FBXL17: variants seen among roughly 807,000 people sequenced by gnomAD.
FBXL17 encodes F-box and leucine rich repeat protein 17.
FBXL17 carries 22 observed loss-of-function variants against 66.2 expected under a neutral mutation model. The ratio of observed to expected loss-of-function variants is 0.33; its 90% CI spans 0.24 to 0.47. FBXL17 has a LOEUF of 0.47. Ranked by LOEUF, FBXL17 falls within the 20% of genes least tolerant of loss-of-function variation. The pLI, the probability that FBXL17 is intolerant of heterozygous loss-of-function variation, is 1.00. For synonymous variants in FBXL17, 474 were observed against 400.5 expected (o/e 1.18, Z -2.19); for missense variants, 878 against 948.2 (o/e 0.93, Z 0.97).
At chr5:107,917,167 G>C (rs1305518466) in intron 7 of FBXL17, among the ~76,000 whole-genome samples, 2 of 152,176 alleles carry the variant, frequency 1.3e-5, no homozygotes, top group Non-Finnish European at 2.9e-5. Context: ...ATTACTGGCT[G>C]CTGACAGCAA....
chr5:108,271,580 T>G (rs921851014), intron 4 of FBXL17, among the ~76,000 whole-genome samples: 1 of 152,214 alleles, frequency 6.6e-6, no homozygotes, highest in African/African-American at 2.4e-5. Context: ...GTCAACTTCT[T>G]GAGAACATAC....
chr5:108,201,202 A>G (rs1289739048), intron 5 of FBXL17, among the ~76,000 whole-genome samples: 1 of 152,200 alleles, frequency 6.6e-6, no homozygotes, highest in African/African-American at 2.4e-5. Context: ...CATGGAGAAC[A>G]CTTTCGTTCA....
At chr5:108,042,167 T>C (rs1454901684) in intron 6 of FBXL17, among the ~76,000 whole-genome samples, 3 of 152,226 alleles carry the variant, frequency 2.0e-5, no homozygotes, top group Non-Finnish European at 4.4e-5. Context: ...GTGCTGGGAT[T>C]ACAGGCGTGA....
chr5:108,001,280 CAT>C (rs1319203213), intron 7 of FBXL17, among the ~76,000 whole-genome samples: 3 of 152,082 alleles, frequency 2.0e-5, no homozygotes, highest in Admixed American at 6.6e-5. Flanking sequence ...ATAAGAATGA[CAT>C]GTGTGAATGT....
intron 3 of FBXL17, among the ~76,000 whole-genome samples, chr5:108,360,091 T>C (rs990211474): frequency 6.6e-6 from 1 of 152,114 alleles, no homozygotes; most frequent in Admixed American, 6.6e-5. Context: ...ACCTGGTTTT[T>C]TTGGATAATA....
intron 4 of FBXL17, among the ~76,000 whole-genome samples, chr5:108,341,568 T>C (rs1746882581): frequency 6.6e-6 from 1 of 152,166 alleles, no homozygotes; most frequent in African/African-American, 2.4e-5. Context: ...TTTCTCAAAA[T>C]AGATAAATAA....
chr5:108,161,275 G>A (rs1182336802), intron 6 of FBXL17, among the ~76,000 whole-genome samples: 4 of 152,080 alleles, frequency 2.6e-5, no homozygotes, highest in Non-Finnish European at 4.4e-5. Context: ...CTGAGCTCAG[G>A]AGTTCGACAC....
intron 6 of FBXL17, among the ~76,000 whole-genome samples, chr5:108,135,113 T>C (rs1751084527): frequency 6.6e-6 from 1 of 152,084 alleles, no homozygotes; most frequent in Non-Finnish European, 1.5e-5. Flanking sequence ...TCTGGGGACA[T>C]CAATCAGGTG....
intron 4 of FBXL17, among the ~76,000 whole-genome samples, chr5:108,332,860 G>A (rs188418318): frequency 4.5e-4 from 67 of 147,262 alleles, no homozygotes; most frequent in South Asian, 8.9e-4. Context: ...CCACCGCCTC[G>A]GCCTCCCAAA....
At chr5:107,887,132 A>G (rs1748999408) in intron 7 of FBXL17, among the ~76,000 whole-genome samples, 1 of 152,202 alleles carries the variant, frequency 6.6e-6, no homozygotes, top group Non-Finnish European at 1.5e-5. Context: ...AGGTTGTTAA[A>G]GTTAGAGGTA....
At chr5:108,317,559 T>A (rs901677814) in intron 4 of FBXL17, among the ~76,000 whole-genome samples, 1 of 151,300 alleles carries the variant, frequency 6.6e-6, no homozygotes, top group Non-Finnish European at 1.5e-5. Context: ...TATTTTTGTA[T>A]AAATTAATAA....
chr5:108,085,660 T>C (rs539462209), intron 6 of FBXL17, among the ~76,000 whole-genome samples: 2 of 152,060 alleles, frequency 1.3e-5, no homozygotes, highest in Admixed American at 1.3e-4. Flanking sequence ...TGGGGCTAGG[T>C]GTGGTGGCTC....
intron 6 of FBXL17, among the ~76,000 whole-genome samples, chr5:108,074,743 G>A (rs1224796388): frequency 6.6e-6 from 1 of 152,136 alleles, no homozygotes; most frequent in African/African-American, 2.4e-5. Context: ...TACATTACCC[G>A]ATCGCTTTGG....
intron 7 of FBXL17, among the ~76,000 whole-genome samples, chr5:108,006,258 T>C (rs1326640294): frequency 1.3e-5 from 2 of 152,334 alleles, no homozygotes; most frequent in South Asian, 2.1e-4. Flanking sequence ...AGAATGTTCA[T>C]TGAAGCCACT....
At chr5:108,260,827 A>G (rs927987569) in intron 4 of FBXL17, among the ~76,000 whole-genome samples, 2 of 152,168 alleles carry the variant, frequency 1.3e-5, no homozygotes, top group African/African-American at 4.8e-5. Context: ...CTTTTGCACA[A>G]GTTTGCTATA....
intron 4 of FBXL17, among the ~76,000 whole-genome samples, chr5:108,336,378 C>G (rs1760384201): frequency 6.6e-6 from 1 of 152,034 alleles, no homozygotes; most frequent in African/African-American, 2.4e-5. Flanking sequence ...AAGTCAAGCT[C>G]TTCTGAACAA....
intron 6 of FBXL17, among the ~76,000 whole-genome samples, chr5:108,118,899 C>T (rs1344067556): frequency 6.6e-6 from 1 of 152,156 alleles, no homozygotes; most frequent in Admixed American, 6.5e-5. Flanking sequence ...ATATTCTCTT[C>T]TCCCAAAAAA....
intron 6 of FBXL17, among the ~76,000 whole-genome samples, chr5:108,159,426 G>A (rs1275303262): frequency 6.6e-6 from 1 of 152,168 alleles, no homozygotes; most frequent in Non-Finnish European, 1.5e-5. Flanking sequence ...CCAAGGTGAT[G>A]GTATTGGGAG....
At chr5:108,007,829 G>C (rs374906636) in intron 7 of FBXL17, among the ~76,000 whole-genome samples, 1 of 152,182 alleles carries the variant, frequency 6.6e-6, no homozygotes, top group African/African-American at 2.4e-5. Context: ...ACATAATGTA[G>C]AGTATGTGAG....
Sources: allele counts gnomAD v4.1 joint callset (sites outside exome capture counted in the v4.1 genomes callset), GRCh38; gene constraint gnomAD v4.1.1; transcripts MANE v1.5; gene names NCBI Gene and HGNC (gene_info 2026-07-23, HGNC 2026-07-21).